The following PRKCH variants were observed in gnomAD, a reference collection of about 807,000 sequenced individuals.
The protein encoded by PRKCH is protein kinase C eta type.
In PRKCH, 28 loss-of-function variants were observed where a neutral mutation model predicts 82.5. The observed-to-expected ratio is 0.34, with a 90% confidence interval of 0.25 to 0.47. PRKCH has a LOEUF of 0.47. PRKCH is among the 20% of genes least tolerant of loss of function. PRKCH has a pLI of 1.00. For synonymous variants in PRKCH, 322 were observed against 327.4 expected (o/e 0.98, Z 0.18); for missense variants, 705 against 881.8 (o/e 0.80, Z 2.54).
At chr14:61,338,170 A>T (rs2045882705) in intron 1 of PRKCH, among the ~76,000 whole-genome samples, 1 of 152,146 alleles carries the variant, frequency 6.6e-6, no homozygotes, top group African/African-American at 2.4e-5. Flanking sequence ...CTGCATGAAC[A>T]TTAGGGACCC....
chr14:61,275,116 A>G (rs1183580449), intron 1 of PRKCH, among the ~76,000 whole-genome samples: 1 of 152,236 alleles, frequency 6.6e-6, no homozygotes, highest in Non-Finnish European at 1.5e-5. Context: ...TTTACTTATT[A>G]AAATCATAAC....
chr14:61,505,613 G>A (rs1373794254), intron 10 of PRKCH, among the ~76,000 whole-genome samples: 1 of 151,616 alleles, frequency 6.6e-6, no homozygotes, highest in African/African-American at 2.4e-5. Context: ...GACCTCAGGT[G>A]ATCCACCCGC....
chr14:61,456,619 T>C (rs1884777276), intron 7 of PRKCH, among the ~76,000 whole-genome samples: 1 of 152,254 alleles, frequency 6.6e-6, no homozygotes, highest in Non-Finnish European at 1.5e-5. Flanking sequence ...TAGATATCTT[T>C]GGCAGAGGGC....
intron 1 of PRKCH, among the ~76,000 whole-genome samples, chr14:61,225,476 G>A (rs971780815): frequency 1.3e-5 from 2 of 152,144 alleles, no homozygotes; most frequent in East Asian, 1.9e-4. Flanking sequence ...TGGTAAAGGC[G>A]GTGTGCTGTG....
chr14:61,405,763 T>C (rs6573389), intron 2 of PRKCH, among the ~76,000 whole-genome samples: 23,038 of 152,082 alleles, frequency 0.15, 2,916 homozygotes, highest in African/African-American at 0.33. Flanking sequence ...ACTAAATAAC[T>C]GGAGAGGTAA....
chr14:61,400,828 T>C (rs1881569741), intron 2 of PRKCH, among the ~76,000 whole-genome samples: 1 of 152,192 alleles, frequency 6.6e-6, no homozygotes, highest in Non-Finnish European at 1.5e-5. Context: ...AGTATGCAAA[T>C]GGTGAACCAG....
At chr14:61,318,311 C>T (rs1029715959), upstream of PRKCH, among the ~76,000 whole-genome samples, 2 of 151,796 alleles carry the variant, frequency 1.3e-5, no homozygotes, top group East Asian at 3.9e-4. Context: ...AAGTGATCCT[C>T]CTACCTTGGC....
Position 61,280,021 on chromosome 14 carries a change from G to T in PRKCH, c.-19+92353G>T. On this transcript the variant is annotated intron_variant, in intron 1 of 3. Transcript: ENST00000555185. This position sits in a 1 kb window ranked among gnomAD's most constrained non-coding sequence, Gnocchi z 5.0. ...GCGAGGTTGGAATTGGGTGACGGGCGAGGAGGAGATGCCAAAAGCACCTTG... is the reference window on the plus strand; with the variant it reads ...GCGAGGTTGGAATTGGGTGACGGGCTAGGAGGAGATGCCAAAAGCACCTTG... 7.4e-7 allele frequency: 1 copy of T among 1,346,314 alleles called. No individual in the cohort carries two copies. Among genetic ancestry groups the T allele is most frequent in the South Asian group, 1.5e-5 (1 of 67,784 alleles). 83.4% of individuals were successfully genotyped at this position (1,346,314 alleles called of 1,614,324 possible).
intron 10 of PRKCH, among the ~76,000 whole-genome samples, chr14:61,487,286 C>T (rs1018372996): frequency 1.3e-5 from 2 of 152,214 alleles, no homozygotes; most frequent in Admixed American, 1.3e-4. Context: ...TGGATAAGGA[C>T]AGTGGGAGCC....
intron 1 of PRKCH, among the ~76,000 whole-genome samples, chr14:61,371,393 A>G (rs372990909): frequency 6.6e-6 from 1 of 152,062 alleles, no homozygotes; most frequent in East Asian, 1.9e-4. Context: ...GATCCCATTC[A>G]AGATACCACA....
At chr14:61,529,885 C>T (rs1397454650) in intron 11 of PRKCH, among the ~76,000 whole-genome samples, 1 of 128,210 alleles carries the variant, frequency 7.8e-6, no homozygotes, top group Non-Finnish European at 1.7e-5. Context: ...TGCGCATGTA[C>T]CCTAAAACTT....
chr14:61,281,030 A>G lies in PRKCH; in HGVS notation c.-19+93362A>G. ...CCGATGAAGGCCAGGCCCGCGCAGAAGAAGAGCGGCAGCGCGATGCTGGCC... is the reference window on the plus strand; with the variant it reads ...CCGATGAAGGCCAGGCCCGCGCAGAGGAAGAGCGGCAGCGCGATGCTGGCC... On this transcript the variant is annotated intron_variant, in intron 1 of 3. Coordinates refer to the PRKCH transcript ENST00000555185. 6.5e-7 allele frequency: 1 copy of G among 1,532,668 alleles called. No individual in the cohort carries two copies. The highest frequency in any genetic ancestry group is 1.2e-5 in the South Asian group (1 of 82,192). 94.9% of individuals were successfully genotyped at this position (1,532,668 alleles called of 1,614,324 possible).
intron 1 of PRKCH, chr14:61,304,230 T>A (rs927980232): frequency 3.3e-5 from 5 of 152,124 alleles, no homozygotes; most frequent in African/African-American, 1.2e-4. Context: ...CAAAACCCTC[T>A]GTCCTTTTTT....
chr14:61,253,765 C>T (rs767034235), intron 1 of PRKCH, among the ~76,000 whole-genome samples: 1 of 152,140 alleles, frequency 6.6e-6, no homozygotes, highest in African/African-American at 2.4e-5. Flanking sequence ...TCCTAAGCCT[C>T]GGTTTCCTCC....
intron 11 of PRKCH, among the ~76,000 whole-genome samples, chr14:61,529,955 A>C (rs1363871241): frequency 6.6e-6 from 1 of 152,194 alleles, no homozygotes; most frequent in African/African-American, 2.4e-5. Context: ...TTTGGGCTTT[A>C]GCCCTAAATG....
At chr14:61,236,534 C>G (rs944068367) in intron 1 of PRKCH, among the ~76,000 whole-genome samples, 2 of 151,720 alleles carry the variant, frequency 1.3e-5, no homozygotes, top group African/African-American at 2.4e-5. Flanking sequence ...ATGGTGAAAC[C>G]CTGTCTCTAC....
intron 2 of PRKCH, among the ~76,000 whole-genome samples, chr14:61,416,058 T>TC (rs1238454862): frequency 1.6e-5 from 2 of 122,964 alleles, no homozygotes; most frequent in South Asian, 5.1e-4. Context: ...CTTTTCTTTT[T>TC]TTTTTTTTTT....
At chr14:61,414,570 G>A (rs929344877) in intron 2 of PRKCH, among the ~76,000 whole-genome samples, 1 of 149,936 alleles carries the variant, frequency 6.7e-6, no homozygotes, top group Non-Finnish European at 1.5e-5. Flanking sequence ...ACTGTGCCCG[G>A]CATGGGCTTC....
At chr14:61,237,630 C>G (rs2044801573) in intron 1 of PRKCH, among the ~76,000 whole-genome samples, 1 of 152,214 alleles carries the variant, frequency 6.6e-6, no homozygotes, top group Admixed American at 6.5e-5. Context: ...TTTAGATAAA[C>G]TCTTTCAATC....
Sources: gnomAD v4.1 joint callset for allele counts (sites outside exome capture counted in the v4.1 genomes callset) on GRCh38, gnomAD v4.1.1 for gene constraint, Gnocchi (gnomAD v3.1) non-coding constraint, MANE v1.5 for transcripts, NCBI Gene and HGNC (gene_info 2026-07-23, HGNC 2026-07-21) for gene names.